NME9: variants seen among roughly 807,000 people sequenced by gnomAD.
NME9 encodes the protein thioredoxin domain-containing protein 6.
NME9 carries 48 observed loss-of-function variants against 44.4 expected under a neutral mutation model. That is an observed-to-expected ratio of 1.08 (90% CI 0.86 to 1.37). The LOEUF (loss-of-function observed/expected upper bound fraction) is 1.37. Among genes scored for constraint, NME9 ranks in the 40% most tolerant of loss-of-function variants. The pLI, the probability that NME9 is intolerant of heterozygous loss-of-function variation, is 0.00. For synonymous variants in NME9, 139 were observed against 147.1 expected, an observed-to-expected ratio of 0.94 and a Z score of 0.40; for missense variants, 325 against 405.2, an observed-to-expected ratio of 0.80 and a Z score of 1.70.
intron 8 of NME9, chr3:138,273,148 C>T: frequency 6.3e-7 from 1 of 1,596,008 alleles, no homozygotes. Flanking sequence ...TCCAAATTAG[C>T]TAGCCCTGCA....
chr3:138,271,890 G>A (rs1011371531), intron 8 of NME9, among the ~76,000 whole-genome samples: 2 of 151,354 alleles, frequency 1.3e-5, no homozygotes, highest in African/African-American at 4.9e-5. Context: ...CTGCCTCCTG[G>A]GTTCAAGTGA....
chr3:138,324,931 C>A lies in NME9; in HGVS notation c.34-1G>T, dbSNP rs760278183. 1 of 1,613,406 alleles carries A rather than the reference C, an allele frequency of 6.2e-7. No homozygotes were observed. Among genetic ancestry groups the A allele is most frequent in the South Asian group, 1.1e-5 (1 of 91,070 alleles). ...AAAGCTCTTGGGTGCTGATGTTGACCTAAAGCCAAAGAGGATCAAATGCCG... is the reference window on the plus strand; with the variant it reads ...AAAGCTCTTGGGTGCTGATGTTGACATAAAGCCAAAGAGGATCAAATGCCG... On this transcript the variant is annotated splice_acceptor_variant, in intron 1 of 10. Transcript: ENST00000333911. LOFTEE classifies it high-confidence loss of function.
At chr3:138,294,625 C>T (rs2051295160) in intron 8 of NME9, among the ~76,000 whole-genome samples, 1 of 152,202 alleles carries the variant, frequency 6.6e-6, no homozygotes, top group South Asian at 2.1e-4. Flanking sequence ...TTATTGTATG[C>T]ATAGTCTACT....
At chr3:138,289,157 TG>T (rs1470380164) in intron 8 of NME9, 1 of 1,525,962 alleles carries the variant, frequency 6.6e-7, no homozygotes, top group East Asian at 2.3e-5. Context: ...AAAAAAATTA[TG>T]GGAAGAGTGT....
chr3:138,262,225 G>T, exon 9 of NME9: 1 of 239,750 alleles, frequency 4.2e-6, no homozygotes, highest in Non-Finnish European at 8.0e-6. Flanking sequence ...TAGGTAGACT[G>T]AGAAAGGGAG....
At chr3:138,315,020 C>A (rs1364143817) in intron 5 of NME9, among the ~76,000 whole-genome samples, 2 of 152,192 alleles carry the variant, frequency 1.3e-5, no homozygotes, top group African/African-American at 4.8e-5. Context: ...AACTGGCAGT[C>A]AATGTTATCA....
intron 6 of NME9, among the ~76,000 whole-genome samples, chr3:138,311,475 T>C (rs1449367942): frequency 6.6e-6 from 1 of 152,016 alleles, no homozygotes; most frequent in African/African-American, 2.4e-5. Context: ...TTGAAGAACA[T>C]AGATGAAAAA....
intron 8 of NME9, among the ~76,000 whole-genome samples, chr3:138,286,756 C>T (rs1435830513): frequency 6.6e-6 from 1 of 152,184 alleles, no homozygotes; most frequent in Admixed American, 6.5e-5. Flanking sequence ...AGGAGAATCT[C>T]ATCCACCCCC....
chr3:138,329,525 C>T lies in NME9; in HGVS notation c.-190G>A. 1 of 1,377,328 alleles carries T rather than the reference C, an allele frequency of 7.3e-7. No individual in the cohort carries two copies. The highest frequency in any genetic ancestry group is 9.4e-7 in the Non-Finnish European group (1 of 1,068,952). The allele number at this position is 1,377,328 out of a possible 1,614,324, so 85.3% of individuals were successfully genotyped here. On this transcript the variant is annotated 5_prime_UTR_variant, in exon 1 of 11. It adds an upstream start codon to the 5' untranslated region. Coordinates refer to ENST00000333911, the MANE Select transcript of NME9 (RefSeq NM_001349018.2). ...TCAGCACACTGATACAAAGTGAACA[C>T]CCCGCGAGGAAGCGGAGCCTGCAGT...
rs957275558 is a variant in NME9 at position 138,314,316 on chromosome 3, T to C, written c.460+16A>G. On this transcript the variant is annotated intron_variant, in intron 6 of 10. Coordinates refer to ENST00000333911, the MANE Select transcript of NME9 (RefSeq NM_001349018.2). Reference sequence around the variant, plus strand: ...CTGCTTTGCTTTTTTCCCTTGCTCATTGGTTCTGCACTCACCCATGTCCTC... The same window carrying C: ...CTGCTTTGCTTTTTTCCCTTGCTCACTGGTTCTGCACTCACCCATGTCCTC... The C allele has an allele frequency of 1.3e-6, 2 of 1,517,074 alleles. No homozygotes were observed. Among genetic ancestry groups the C allele is most frequent in the African/African-American group, 1.4e-5 (1 of 71,868 alleles). 94.0% of individuals were successfully genotyped at this position (1,517,074 alleles called of 1,614,324 possible).
chr3:138,291,078 A>G (rs1486833006), intron 8 of NME9, among the ~76,000 whole-genome samples: 1 of 152,254 alleles, frequency 6.6e-6, no homozygotes, highest in Non-Finnish European at 1.5e-5. Context: ...CAAAGAGCTC[A>G]TCATTTCCTG....
intron 8 of NME9, chr3:138,264,316 G>T: frequency 1.3e-6 from 1 of 786,022 alleles, no homozygotes; most frequent in Admixed American, 2.4e-5. Flanking sequence ...TGATTTTTGT[G>T]TAGAGCATTT....
chr3:138,292,785 C>G lies in NME9; in HGVS notation c.745+10722G>C, dbSNP rs112846164. 4.2e-3 allele frequency among the ~76,000 whole-genome samples: 636 copies of G among 152,180 alleles called. 5 individuals are homozygous for G. Among genetic ancestry groups the G allele is most frequent in the Admixed American group, 6.1e-3 (94 of 15,294 alleles). Reference sequence around the variant, plus strand: ...AAAGCCATGGAGCTGGATGAAGTCTCTTAGAGCAAGTAAAAAGAGAGAAAG... The same window carrying G: ...AAAGCCATGGAGCTGGATGAAGTCTGTTAGAGCAAGTAAAAAGAGAGAAAG... On this transcript the variant is annotated intron_variant, in intron 8 of 8. Coordinates refer to the NME9 transcript ENST00000317876.
rs539928502 is a variant in NME9 at position 138,320,754 on chromosome 3, C to G, written c.92-1173G>C. 3.9e-5 allele frequency among the ~76,000 whole-genome samples: 6 copies of G among 152,256 alleles called. No homozygotes were observed. In the East Asian group the frequency reaches 1.2e-3, roughly 29 times the overall value. On this transcript the variant is annotated intron_variant, in intron 2 of 10. Coordinates refer to ENST00000333911, the MANE Select transcript of NME9 (RefSeq NM_001349018.2). ...GACTGTGGTGCAAAGGATGGGCAGC[C>G]AGGCACAGGTGGCAGACTCAGGGAT...
chr3:138,327,010 G>A (rs2053835011), intron 1 of NME9: 1 of 138,100 alleles, frequency 7.2e-6, no homozygotes, highest in South Asian at 2.5e-4. Flanking sequence ...AAAAAAGTTA[G>A]CCGGGCGTGG....
chr3:138,272,101 T>C (rs1208810396), intron 8 of NME9, among the ~76,000 whole-genome samples: 1 of 152,192 alleles, frequency 6.6e-6, no homozygotes, highest in South Asian at 2.1e-4. Flanking sequence ...AGGAGCAAAA[T>C]AGCTACTAGC....
At position 138,301,578 on chromosome 3, in the gene NME9, C is replaced by T. The variant is rs747445355; in HGVS notation, c.*62G>A. On this transcript the variant is annotated 3_prime_UTR_variant, in exon 11 of 11. Transcript: ENST00000333911. ...TACTCAAAAGAGTAAGTTCCGATTC[C>T]GGAGGTCTGTTTTGTGCAGTAGACC... 15 of 1,525,300 alleles carry T rather than the reference C, an allele frequency of 9.8e-6. No homozygotes were observed. Among genetic ancestry groups the T allele is most frequent in the East Asian group, 2.4e-5 (1 of 40,818 alleles). The allele number at this position is 1,525,300 out of a possible 1,614,324, so 94.5% of individuals were successfully genotyped here. A position where few individuals can be genotyped will look rare whatever the true frequency, so the allele number is the denominator to read the frequency against.
chr3:138,318,245 AC>A (rs1428693469), intron 3 of NME9, 26 bp from the exon 4 acceptor site: 1 of 1,521,316 alleles, frequency 6.6e-7, no homozygotes, highest in East Asian at 2.2e-5. Flanking sequence ...ATCAGCAGGT[AC>A]CCTGGATGCA....
intron 2 of NME9, among the ~76,000 whole-genome samples, chr3:138,322,409 T>C (rs1247450581): frequency 6.6e-6 from 1 of 151,638 alleles, no homozygotes; most frequent in Non-Finnish European, 1.5e-5. Context: ...AGAGAGGAAG[T>C]GTTTGATTTG....
Sources: gnomAD v4.1 joint callset for allele counts (sites outside exome capture counted in the v4.1 genomes callset) on GRCh38, gnomAD v4.1.1 for gene constraint, MANE v1.5 for transcripts, NCBI Gene and HGNC (gene_info 2026-07-23, HGNC 2026-07-21) for gene names.